Variants in CPNE4 observed in about 807,000 individuals in gnomAD.
The protein encoded by CPNE4 is copine-4.
In CPNE4, 25 loss-of-function variants were observed where a neutral mutation model predicts 67.9. That is an observed-to-expected ratio of 0.37 (90% CI 0.27 to 0.51). The LOEUF (loss-of-function observed/expected upper bound fraction) is 0.51, where lower values mean the gene tolerates loss of function less well. Ranked by LOEUF, CPNE4 falls within the 20% of genes least tolerant of loss-of-function variation. CPNE4 has a pLI of 0.93. For missense variants in CPNE4, 464 were observed against 690.8 expected, an observed-to-expected ratio of 0.67 and a Z score of 3.68; for synonymous variants, 242 against 244.9, an observed-to-expected ratio of 0.99 and a Z score of 0.11.
intron 2 of CPNE4, among the ~76,000 whole-genome samples, chr3:131,732,611 A>C (rs904608858): frequency 6.6e-6 from 1 of 152,162 alleles, no homozygotes; most frequent in African/African-American, 2.4e-5. Context: ...CTGTCTGCCC[A>C]CCAAGTCCCT....
At chr3:131,827,214 A>C (rs1245814384) in intron 2 of CPNE4, among the ~76,000 whole-genome samples, 1 of 152,236 alleles carries the variant, frequency 6.6e-6, no homozygotes, top group Admixed American at 6.5e-5. Context: ...AAATAATCTA[A>C]AATGTGTTCT....
chr3:131,856,213 T>C (rs2086436220), intron 2 of CPNE4, among the ~76,000 whole-genome samples: 1 of 151,978 alleles, frequency 6.6e-6, no homozygotes, highest in East Asian at 1.9e-4. Context: ...GTGTAGAACC[T>C]AGAAAAACAT....
chr3:131,828,737 G>A (rs912989816), intron 2 of CPNE4, among the ~76,000 whole-genome samples: 2 of 152,142 alleles, frequency 1.3e-5, no homozygotes, highest in African/African-American at 4.8e-5. Context: ...GGAGCCTGAG[G>A]TGAGAGGATC....
At chr3:131,723,003 C>T (rs1433241506) in intron 3 of CPNE4, among the ~76,000 whole-genome samples, 2 of 152,132 alleles carry the variant, frequency 1.3e-5, no homozygotes, top group African/African-American at 2.4e-5. Context: ...TCCATTTAGC[C>T]TCTGCCTTGG....
chr3:132,032,464 A>C (rs1332459979), intron 1 of CPNE4, among the ~76,000 whole-genome samples: 4 of 152,230 alleles, frequency 2.6e-5, no homozygotes, highest in Non-Finnish European at 4.4e-5. Flanking sequence ...ATAGACCAAT[A>C]TATCCTTTTA....
chr3:131,539,890 T>C (rs1288924868), intron 15 of CPNE4, among the ~76,000 whole-genome samples: 1 of 152,202 alleles, frequency 6.6e-6, no homozygotes, highest in African/African-American at 2.4e-5. Flanking sequence ...TCCTCCATCT[T>C]AGACACCTAG....
intron 5 of CPNE4, among the ~76,000 whole-genome samples, chr3:131,694,750 A>G (rs1435091568): frequency 1.3e-5 from 2 of 152,148 alleles, no homozygotes; most frequent in African/African-American, 4.8e-5. Flanking sequence ...CAGCCATCTC[A>G]TGTGCGAGGC....
At chr3:131,895,297 A>G (rs1460172937) in intron 2 of CPNE4, among the ~76,000 whole-genome samples, 4 of 152,084 alleles carry the variant, frequency 2.6e-5, no homozygotes. Flanking sequence ...TTTAATGCAC[A>G]GTAGAGTGAA....
At chr3:131,552,320 G>A (rs3817076) in intron 13 of CPNE4, 120 bp downstream of exon 13, 122,173 of 833,430 alleles carry the variant, frequency 0.15, 9,718 homozygotes, top group African/African-American at 0.26. Context: ...TGTTGATACA[G>A]AAAGCAGAGA....
At chr3:131,883,656 A>C (rs1318798210) in intron 2 of CPNE4, among the ~76,000 whole-genome samples, 1 of 151,956 alleles carries the variant, frequency 6.6e-6, no homozygotes, top group Non-Finnish European at 1.5e-5. Context: ...ATTTTCTCTC[A>C]CTCTTGCTTT....
At chr3:131,876,581 G>T (rs1583387256) in intron 2 of CPNE4, among the ~76,000 whole-genome samples, 1 of 136,758 alleles carries the variant, frequency 7.3e-6, no homozygotes, top group African/African-American at 2.9e-5. Flanking sequence ...GGCGGAGCTT[G>T]CAGTGAGCCA....
chr3:131,560,857 G>T (rs1936724424), intron 11 of CPNE4, among the ~76,000 whole-genome samples: 1 of 151,968 alleles, frequency 6.6e-6, no homozygotes, highest in Admixed American at 6.6e-5. Context: ...CTGGGGTGGG[G>T]TGCAGGTATC....
At chr3:131,939,243 C>T (rs935156006) in intron 1 of CPNE4, among the ~76,000 whole-genome samples, 6 of 151,744 alleles carry the variant, frequency 4.0e-5, no homozygotes, top group Non-Finnish European at 7.4e-5. Flanking sequence ...AATAGTATAT[C>T]CAAACAATGG....
At chr3:131,775,380 A>G (rs1294823233) in intron 2 of CPNE4, among the ~76,000 whole-genome samples, 1 of 152,168 alleles carries the variant, frequency 6.6e-6, no homozygotes, top group Admixed American at 6.6e-5. Context: ...TAGTTGGTAC[A>G]CAATAAATGT....
intron 2 of CPNE4, among the ~76,000 whole-genome samples, chr3:131,725,818 G>A (rs1357866976): frequency 1.3e-5 from 2 of 152,006 alleles, no homozygotes; most frequent in Non-Finnish European, 2.9e-5. Context: ...GCAACCTTGG[G>A]CCACATTTCT....
At chr3:131,744,182 CAAAT>C (rs1192543865) in intron 2 of CPNE4, among the ~76,000 whole-genome samples, 2 of 151,648 alleles carry the variant, frequency 1.3e-5, no homozygotes, top group African/African-American at 4.8e-5. Flanking sequence ...CCAAGACACT[CAAAT>C]AAAGTCTATC....
intron 11 of CPNE4, among the ~76,000 whole-genome samples, chr3:131,556,541 G>A (rs1380942391): frequency 3.9e-5 from 6 of 151,938 alleles, no homozygotes; most frequent in Non-Finnish European, 7.4e-5. Flanking sequence ...CCTGTCTTTG[G>A]TATTAAAATC....
chr3:131,567,449 A>G (rs1184489155), intron 10 of CPNE4, among the ~76,000 whole-genome samples: 2 of 152,008 alleles, frequency 1.3e-5, no homozygotes, highest in African/African-American at 2.4e-5. Context: ...GGGGTGAGGC[A>G]AAAAGAAGTG....
intron 1 of CPNE4, among the ~76,000 whole-genome samples, chr3:132,019,842 G>A (rs1560796138): frequency 6.6e-6 from 1 of 152,108 alleles, no homozygotes; most frequent in Non-Finnish European, 1.5e-5. Context: ...TCAGCCAAGA[G>A]GACCAGATAA....
Sources: allele counts gnomAD v4.1 joint callset (sites outside exome capture counted in the v4.1 genomes callset), GRCh38; gene constraint gnomAD v4.1.1; transcripts MANE v1.5; gene names NCBI Gene and HGNC (gene_info 2026-07-23, HGNC 2026-07-21).